Variants in IFT140 observed in about 807,000 individuals in gnomAD.
IFT140 encodes intraflagellar transport 140.
In IFT140, 133 loss-of-function variants were observed where a neutral mutation model predicts 164.6. The observed-to-expected ratio is 0.81, with a 90% CI of 0.70 to 0.93. The LOEUF (loss-of-function observed/expected upper bound fraction) is 0.93. IFT140 is among the 40% of genes least tolerant of loss of function. The pLI, the probability that IFT140 is intolerant of heterozygous loss-of-function variation, is 0.00. For synonymous variants in IFT140, 860 were observed against 817.3 expected (o/e 1.05, Z -0.89); for missense variants, 2,045 against 1,972.3 (o/e 1.04, Z -0.70).
chr16:1,524,974 G>T, intron 22 of IFT140, 58 bp from the exon 23 acceptor site: 1 of 1,562,736 alleles, frequency 6.4e-7, no homozygotes, highest in Non-Finnish European at 8.7e-7. Context: ...ACCCGGGACG[G>T]CCCCCACCCC....
rs2031271449 is a variant in IFT140 at position 1,538,206 on chromosome 16, G to A, written c.2400-11410C>T. On this transcript the variant is annotated intron_variant, in intron 19 of 30. Transcript: ENST00000426508. ...GTGGGTCTGTGGGTGCCCTTGTGGT[G>A]AGCCATGCACCCTGGGGACTTGGAG... Among the ~76,000 whole-genome samples, 3 of 152,210 alleles carry A rather than the reference G, an allele frequency of 2.0e-5. No homozygotes were observed. The South Asian group carries it at 6.2e-4, about 32-fold the overall frequency.
At chr16:1,565,847 G>A (rs376921294) in intron 16 of IFT140, among the ~76,000 whole-genome samples, 11 of 152,294 alleles carry the variant, frequency 7.2e-5, no homozygotes, top group Admixed American at 5.9e-4. Context: ...TGAGAGACGC[G>A]GATGGGTCTG....
intron 30 of IFT140, among the ~76,000 whole-genome samples, 193 bp from the exon 31 acceptor site, chr16:1,511,343 C>T (rs1676244143): frequency 6.6e-6 from 1 of 152,314 alleles, no homozygotes; most frequent in Middle Eastern, 3.4e-3. Flanking sequence ...GCCCGCGGAC[C>T]GCACACATGC....
intron 19 of IFT140, among the ~76,000 whole-genome samples, chr16:1,539,902 G>A (rs1021090036): frequency 1.1e-4 from 16 of 152,298 alleles, no homozygotes; most frequent in Admixed American, 5.2e-4. Flanking sequence ...CACTCTCTGC[G>A]CACTGCCCTC....
At chr16:1,555,063 T>G in intron 19 of IFT140, 1 of 1,579,038 alleles carries the variant, frequency 6.3e-7, no homozygotes, top group Non-Finnish European at 8.6e-7. Context: ...GCACACCTGC[T>G]ATCGTGGAAC....
intron 14 of IFT140, among the ~76,000 whole-genome samples, chr16:1,569,077 T>C (rs1447507761): frequency 6.7e-6 from 1 of 148,958 alleles, no homozygotes; most frequent in East Asian, 2.1e-4. Context: ...CCATCTCGGC[T>C]CACTGCAAGC....
intron 19 of IFT140, 107 bp downstream of exon 19, chr16:1,557,828 T>A (rs972616169): frequency 9.2e-7 from 1 of 1,082,722 alleles, no homozygotes; most frequent in East Asian, 2.4e-5. Flanking sequence ...GACGCAGTCA[T>A]GAGGAGTCAA....
intron 4 of IFT140, among the ~76,000 whole-genome samples, chr16:1,600,604 A>T (rs992916769): frequency 6.6e-6 from 1 of 152,362 alleles, no homozygotes; most frequent in Non-Finnish European, 1.5e-5. Flanking sequence ...CAACATTCAT[A>T]TAAAGAAGAG....
intron 19 of IFT140, chr16:1,541,915 C>A: frequency 6.3e-7 from 1 of 1,589,148 alleles, no homozygotes; most frequent in South Asian, 1.1e-5. Context: ...TGCTCTTGGC[C>A]CACAGTGCAG....
chr16:1,595,967 A>G (rs1200626486), intron 4 of IFT140, among the ~76,000 whole-genome samples: 1 of 151,500 alleles, frequency 6.6e-6, no homozygotes, highest in Non-Finnish European at 1.5e-5. Context: ...GAGGCACAAG[A>G]ATTGCTTGAA....
At chr16:1,550,094 C>T (rs944180425) in intron 19 of IFT140, among the ~76,000 whole-genome samples, 11 of 152,136 alleles carry the variant, frequency 7.2e-5, no homozygotes, top group East Asian at 1.9e-4. Context: ...TGCACCACCA[C>T]GCCCAGCTAA....
rs2033623735 is a variant in IFT140, at chr16:1,564,820, TGAA to T, written c.1902-661_1902-659del. On this transcript the variant is annotated intron_variant, in intron 16 of 30. Transcript: ENST00000426508. This position sits in a 1 kb window ranked among gnomAD's most constrained non-coding sequence, Gnocchi z 5.5. ...GCCGGGCAGCACGACCCATGGCTGC[TGAA>T]GAAGGACAGGACCCGGTGCTGCAGG... is the stretch of plus-strand genomic sequence containing the variant. Among the ~76,000 whole-genome samples, 1 of 152,148 alleles carries T rather than the reference TGAA, an allele frequency of 6.6e-6. No individual in the cohort carries two copies. Among genetic ancestry groups the T allele is most frequent in the Non-Finnish European group, 1.5e-5 (1 of 68,028 alleles).
At chr16:1,607,076 G>A (rs368198364) in intron 3 of IFT140, 44 bp downstream of exon 3, 2 of 1,598,738 alleles carry the variant, frequency 1.3e-6, no homozygotes, top group Non-Finnish European at 1.7e-6. Flanking sequence ...AACAACATGA[G>A]CCAGAAGCTA....
chr16:1,535,400 CCCAAAGG>C (rs773270506), intron 19 of IFT140, among the ~76,000 whole-genome samples: 1 of 152,186 alleles, frequency 6.6e-6, no homozygotes, highest in Non-Finnish European at 1.5e-5. Context: ...CACAAGGTCT[CCCAAAGG>C]CCGACTCTCT....
intron 17 of IFT140, among the ~76,000 whole-genome samples, chr16:1,562,579 C>T (rs1016793954): frequency 1.3e-5 from 2 of 152,142 alleles, no homozygotes; most frequent in Admixed American, 1.3e-4. Flanking sequence ...TGAGACCAGC[C>T]TGGCCAACGT....
intron 9 of IFT140, among the ~76,000 whole-genome samples, chr16:1,586,567 G>C (rs943658562): frequency 3.3e-5 from 5 of 152,156 alleles, no homozygotes; most frequent in African/African-American, 1.2e-4. Context: ...CGCGGCTCTG[G>C]CTCACCTCCT....
In IFT140 at chr16:1,518,351, G is replaced by C; in HGVS notation, c.4047C>G (p.Tyr1349Ter). The C allele has an allele frequency of 6.2e-7, 1 of 1,613,666 alleles. No individual in the cohort carries two copies. The highest frequency in any genetic ancestry group is 1.3e-5 in the African/African-American group (1 of 75,038). ...VKRFIQARRT[Y>*]TEDPKESIKQ... ...TGATGGACTCCTTGGGGTCCTCTGT[G>C]TACGTCCTGCCGAGAGCAGAGATGA... The change falls in exon 30 of 31, where the codon TAC becomes TAG. Residue 1349 changes from tyrosine (Y) to a stop codon, truncating the protein, a stop_gained. Transcript: ENST00000426508. LOFTEE classifies it high-confidence loss of function.
chr16:1,568,039 C>G (rs1240245506), intron 15 of IFT140, among the ~76,000 whole-genome samples, 178 bp downstream of exon 15: 1 of 151,926 alleles, frequency 6.6e-6, no homozygotes, highest in African/African-American at 2.4e-5. Context: ...TGGGGAGGTT[C>G]CCGGAGAAGG....
intron 19 of IFT140, among the ~76,000 whole-genome samples, chr16:1,527,491 T>A (rs2040743467): frequency 6.6e-6 from 1 of 152,034 alleles, no homozygotes; most frequent in Non-Finnish European, 1.5e-5. Context: ...GAATTTTGTG[T>A]GTGTGAAGGA....
Sources: gnomAD v4.1 joint callset for allele counts (sites outside exome capture counted in the v4.1 genomes callset) on GRCh38, gnomAD v4.1.1 for gene constraint, Gnocchi (gnomAD v3.1) non-coding constraint, MANE v1.5 for transcripts, NCBI Gene and HGNC (gene_info 2026-07-23, HGNC 2026-07-21) for gene names.